The following MLIP variants were observed in gnomAD, a reference collection of about 807,000 sequenced individuals.
The protein encoded by MLIP is muscular LMNA interacting protein.
A neutral mutation model predicts 84.8 loss-of-function variants in MLIP; 79 were observed. That is an observed-to-expected ratio of 0.93 (90% CI 0.78 to 1.12). The LOEUF is 1.12. MLIP is among the 50% of genes most tolerant of loss of function. MLIP has a pLI of 0.00. For missense variants in MLIP, 1,257 were observed against 1,160.6 expected (o/e 1.08, Z -1.21); for synonymous variants, 504 against 463.0 (o/e 1.09, Z -1.14).
chr6:54,040,220 A>G (rs1764665942), intron 1 of MLIP, among the ~76,000 whole-genome samples: 1 of 152,010 alleles, frequency 6.6e-6, no homozygotes, highest in South Asian at 2.1e-4. Context: ...TCTTCATGGG[A>G]CCAGCATTAA....
chr6:54,134,595 T>C (rs1290600179), intron 3 of MLIP, among the ~76,000 whole-genome samples: 1 of 151,932 alleles, frequency 6.6e-6, no homozygotes, highest in Non-Finnish European at 1.5e-5. Context: ...ATATTTATAT[T>C]AGGTAAAATA....
At chr6:54,087,330 A>G (rs1767563752) in intron 1 of MLIP, among the ~76,000 whole-genome samples, 1 of 152,186 alleles carries the variant, frequency 6.6e-6, no homozygotes, top group Non-Finnish European at 1.5e-5. Flanking sequence ...TTTCACATTT[A>G]TAGCAAATAG....
chr6:54,213,941 T>C (rs1582522641), intron 11 of MLIP, among the ~76,000 whole-genome samples: 1 of 152,124 alleles, frequency 6.6e-6, no homozygotes, highest in Non-Finnish European at 1.5e-5. Flanking sequence ...AAAGATATGG[T>C]ACTTTGACTA....
intron 4 of MLIP, among the ~76,000 whole-genome samples, chr6:54,144,624 A>G (rs997550054): frequency 4.6e-5 from 7 of 152,208 alleles, no homozygotes; most frequent in African/African-American, 1.7e-4. Flanking sequence ...GGTAGGAGGC[A>G]GAGCTTAGGC....
At chr6:54,256,619 T>A (rs1783022685) in intron 12 of MLIP, among the ~76,000 whole-genome samples, 1 of 152,176 alleles carries the variant, frequency 6.6e-6, no homozygotes, top group Non-Finnish European at 1.5e-5. Flanking sequence ...GTCTCTTTCT[T>A]GCATATTGAT....
intron 1 of MLIP, among the ~76,000 whole-genome samples, chr6:54,085,957 T>A (rs1171284857): frequency 6.6e-6 from 1 of 152,204 alleles, no homozygotes; most frequent in Admixed American, 6.6e-5. Flanking sequence ...AGAAGAAATT[T>A]CTTAGGCTGC....
At chr6:54,131,547 C>A (rs976746677) in intron 3 of MLIP, among the ~76,000 whole-genome samples, 2 of 152,052 alleles carry the variant, frequency 1.3e-5, no homozygotes, top group African/African-American at 4.8e-5. Flanking sequence ...TTTCCACCCA[C>A]ACTTAAAAGG....
intron 11 of MLIP, among the ~76,000 whole-genome samples, chr6:54,204,840 G>T (rs1275953354): frequency 6.6e-6 from 1 of 152,110 alleles, no homozygotes; most frequent in East Asian, 1.9e-4. Context: ...AGTTACCACA[G>T]ACCTAATCTT....
intron 1 of MLIP, among the ~76,000 whole-genome samples, chr6:54,068,893 G>C (rs1766339660): frequency 9.9e-6 from 1 of 100,812 alleles, no homozygotes; most frequent in Non-Finnish European, 2.9e-5. Context: ...ACCCTCCACT[G>C]TCTATGTCTG....
chr6:54,063,464 T>C (rs956329193), intron 1 of MLIP: 1 of 152,204 alleles, frequency 6.6e-6, no homozygotes, highest in Non-Finnish European at 1.5e-5. Context: ...TTGGATGTGA[T>C]AAAGGTATTA....
intron 4 of MLIP, among the ~76,000 whole-genome samples, chr6:54,144,013 C>G (rs1406132704): frequency 6.6e-6 from 1 of 152,056 alleles, no homozygotes; most frequent in Non-Finnish European, 1.5e-5. Flanking sequence ...GGGACCTGTC[C>G]TGGGAGGTTT....
chr6:54,034,313 C>A (rs1270038589), intron 1 of MLIP, among the ~76,000 whole-genome samples: 1 of 152,122 alleles, frequency 6.6e-6, no homozygotes, highest in Non-Finnish European at 1.5e-5. Context: ...ATGTCATTAG[C>A]AAATATAATT....
chr6:54,168,761 AGTTT>A (rs1283546124), intron 8 of MLIP, among the ~76,000 whole-genome samples: 1 of 150,898 alleles, frequency 6.6e-6, no homozygotes, highest in Non-Finnish European at 1.5e-5. Flanking sequence ...AAAATTAATT[AGTTT>A]GTTTGAAAGA....
At chr6:54,190,711 A>G (rs892211086) in intron 10 of MLIP, among the ~76,000 whole-genome samples, 3 of 152,094 alleles carry the variant, frequency 2.0e-5, no homozygotes, top group Non-Finnish European at 4.4e-5. Flanking sequence ...TTTATCTTAT[A>G]GAGTTTTGTA....
rs546499793 is a variant in MLIP at position 54,140,760 on chromosome 6, G to C, written c.2217+2474G>C. Among the ~76,000 whole-genome samples the C allele has an allele frequency of 5.3e-5, 8 of 152,254 alleles. No homozygotes were observed. The South Asian group carries it at 1.0e-3, about 20-fold the overall frequency. ...AACTTATTAAAATGGATGTGGAATAGATAAATCTTATCCCAAGCTCTTTTG... is the reference window on the plus strand; with the variant it reads ...AACTTATTAAAATGGATGTGGAATACATAAATCTTATCCCAAGCTCTTTTG... On this transcript the variant is annotated intron_variant, in intron 4 of 13. Transcript: ENST00000502396.
chr6:54,021,350 A>T (rs1433590016), intron 1 of MLIP, among the ~76,000 whole-genome samples: 1 of 152,212 alleles, frequency 6.6e-6, no homozygotes, highest in Non-Finnish European at 1.5e-5. Flanking sequence ...TACGTTTGTT[A>T]AAATTAAAGC....
chr6:54,243,093 G>GA (rs945472600), intron 12 of MLIP, among the ~76,000 whole-genome samples: 1 of 151,960 alleles, frequency 6.6e-6, no homozygotes, highest in Non-Finnish European at 1.5e-5. Context: ...AATTAAAGAA[G>GA]AAAAAAATTC....
intron 11 of MLIP, chr6:54,215,358 C>T: frequency 1.5e-6 from 2 of 1,310,862 alleles, no homozygotes; most frequent in Non-Finnish European, 1.9e-6. Flanking sequence ...CAATTTTATC[C>T]TACAAAAATG....
At chr6:54,207,407 G>GCCC (rs1202588494) in intron 11 of MLIP, among the ~76,000 whole-genome samples, 13 of 119,972 alleles carry the variant, frequency 1.1e-4, no homozygotes, top group South Asian at 7.7e-4. Context: ...CATCACCTCT[G>GCCC]CACCCCCCCC....
Sources: gnomAD v4.1 joint callset for allele counts (sites outside exome capture counted in the v4.1 genomes callset) on GRCh38, gnomAD v4.1.1 for gene constraint, MANE v1.5 for transcripts, NCBI Gene and HGNC (gene_info 2026-07-23, HGNC 2026-07-21) for gene names.